The following ACER1 variants were observed in gnomAD, a reference collection of about 807,000 sequenced individuals.
The protein encoded by ACER1 is alkaline ceramidase 1, also known as CTB-180A7.3.
Under a neutral mutation model 24.9 loss-of-function variants are expected in ACER1, and 28 were observed. The ratio of observed to expected loss-of-function variants is 1.13; its 90% CI spans 0.83 to 1.54. The LOEUF (loss-of-function observed/expected upper bound fraction) is 1.54. ACER1 is among the 40% of genes most tolerant of loss of function. ACER1 has a pLI of 0.00. For synonymous variants in ACER1, 132 were observed against 131.4 expected (o/e 1.00, Z -0.03); for missense variants, 352 against 349.3 (o/e 1.01, Z -0.06).
chr19:6,338,464 T>C (rs566291141), upstream of ACER1, among the ~76,000 whole-genome samples: 22 of 152,374 alleles, frequency 1.4e-4, no homozygotes, highest in East Asian at 3.9e-4. Flanking sequence ...GTCATATTTA[T>C]ATCACCTTTC....
At position 6,318,785 on chromosome 19, in the gene ACER1, C is replaced by CA. The variant is rs201693112; in HGVS notation, c.94-6287dup. 4.7e-3 allele frequency among the ~76,000 whole-genome samples: 649 copies of CA among 137,516 alleles called. 9 individuals are homozygous for CA. Among genetic ancestry groups the CA allele is most frequent in the African/African-American group, 0.017 (618 of 37,188 alleles). The allele number at this position is 137,516 out of a possible 152,430, so 90.2% of individuals were successfully genotyped here. ...TGCGCAACAGAGCAAGACTCCGTTT[C>CA]AAAAAAAATAAATAAATAAATAAAA... On this transcript the variant is annotated intron_variant, in intron 1 of 5. Coordinates refer to ENST00000301452, the MANE Select transcript of ACER1 (RefSeq NM_133492.3).
At chr19:6,311,610 G>A (rs536391295) in intron 3 of ACER1, among the ~76,000 whole-genome samples, 7 of 149,732 alleles carry the variant, frequency 4.7e-5, no homozygotes, top group South Asian at 2.2e-4. Flanking sequence ...GAAGAAGAAG[G>A]AGAAGGAGAA....
At chr19:6,337,556 C>T (rs1016533613), upstream of ACER1, among the ~76,000 whole-genome samples, 4 of 148,940 alleles carry the variant, frequency 2.7e-5, no homozygotes, top group Non-Finnish European at 4.4e-5. Flanking sequence ...CAGGTTCAAA[C>T]GATTCTCTTG....
chr19:6,311,494 A>T (rs1055358044), intron 3 of ACER1, among the ~76,000 whole-genome samples: 19 of 152,056 alleles, frequency 1.2e-4, no homozygotes, highest in African/African-American at 4.1e-4. Flanking sequence ...GTGAGCCGAG[A>T]TCGCACCACT....
intron 1 of ACER1, among the ~76,000 whole-genome samples, chr19:6,332,324 G>A (rs2091691802): frequency 6.9e-6 from 1 of 144,038 alleles, no homozygotes; most frequent in Admixed American, 7.1e-5. Flanking sequence ...AGGCTGGAGT[G>A]CAGTGGTATG....
At chr19:6,323,932 G>A (rs2091645608) in intron 1 of ACER1, among the ~76,000 whole-genome samples, 1 of 152,198 alleles carries the variant, frequency 6.6e-6, no homozygotes, top group Non-Finnish European at 1.5e-5. Flanking sequence ...TCCCACTGCA[G>A]AAGCCAGCCT....
chr19:6,309,249 T>C (rs2091565688), intron 4 of ACER1, among the ~76,000 whole-genome samples: 1 of 152,012 alleles, frequency 6.6e-6, no homozygotes, highest in Admixed American at 6.6e-5. Context: ...GTGGATGCAG[T>C]GGCTCACACC....
the ACER1 span, among the ~76,000 whole-genome samples, chr19:6,358,099 G>A: frequency 3.3e-5 from 5 of 152,142 alleles, no homozygotes; most frequent in Non-Finnish European, 5.9e-5. Context: ...CAGGGCGGGG[G>A]CAGGAGCTGC....
the ACER1 span, among the ~76,000 whole-genome samples, chr19:6,339,712 G>A: frequency 6.6e-6 from 1 of 152,042 alleles, no homozygotes; most frequent in East Asian, 1.9e-4. Flanking sequence ...CTGTTGCCCA[G>A]GCTGGAGTGC....
intron 1 of ACER1, among the ~76,000 whole-genome samples, chr19:6,323,866 G>C (rs939158008): frequency 6.6e-6 from 1 of 151,744 alleles, no homozygotes; most frequent in African/African-American, 2.4e-5. Flanking sequence ...GTAGCTCAGA[G>C]AGGGGCAGGT....
At chr19:6,330,829 G>C (rs975513462) in intron 1 of ACER1, among the ~76,000 whole-genome samples, 2 of 149,742 alleles carry the variant, frequency 1.3e-5, no homozygotes, top group Non-Finnish European at 2.9e-5. Context: ...GAATCAGTGA[G>C]ACCGTGAGGA....
In ACER1 at chr19:6,316,774, C is replaced by T. The variant is rs543941400; in HGVS notation, c.94-4275G>A. On this transcript the variant is annotated intron_variant, in intron 1 of 5. Transcript: ENST00000301452. The stretch of plus-strand genomic sequence containing the variant: ...GGCAGAGGTTGCAATGAGCCGAGAT[C>T]GCACCACTGCACACCAGTCTGGGCG... Among the ~76,000 whole-genome samples, 53 of 147,952 alleles carry T rather than the reference C, an allele frequency of 3.6e-4. 1 individual carries two copies. The highest frequency in any genetic ancestry group is 1.1e-3 in the African/African-American group (46 of 40,004).
the ACER1 span, among the ~76,000 whole-genome samples, chr19:6,358,397 G>A: frequency 9.2e-5 from 14 of 152,180 alleles, no homozygotes; most frequent in Non-Finnish European, 1.6e-4. Context: ...AAAACTGGGA[G>A]TGTCTGTGTC....
At chr19:6,354,326 ATGG>A in the ACER1 span, among the ~76,000 whole-genome samples, 2 of 144,958 alleles carry the variant, frequency 1.4e-5, no homozygotes, top group Non-Finnish European at 3.0e-5. Context: ...TTTTTAATTG[ATGG>A]GGGTAGGGGT....
the ACER1 span, among the ~76,000 whole-genome samples, chr19:6,341,622 G>GTTTTGTTTTGTTTTGT: frequency 0.028 from 4,157 of 150,632 alleles, 57 homozygotes; most frequent in African/African-American, 0.034. Flanking sequence ...GTTTTGTTTT[G>GTTTTGTTTTGTTTTGT]TTTTGTTTTT....
intron 1 of ACER1, among the ~76,000 whole-genome samples, chr19:6,312,864 A>G (rs1428479539): frequency 2.0e-5 from 3 of 151,574 alleles, no homozygotes; most frequent in Non-Finnish European, 4.4e-5. Flanking sequence ...TTTGGTAGAG[A>G]CAGGGTTTCA....
the ACER1 span, among the ~76,000 whole-genome samples, chr19:6,345,565 C>CT: frequency 1.7e-3 from 217 of 130,352 alleles, 2 homozygotes; most frequent in Non-Finnish European, 1.8e-3. Flanking sequence ...GTATTAGATT[C>CT]TTTTTTTTTT....
chr19:6,334,706 CTGTT>C (rs72317540), upstream of ACER1, among the ~76,000 whole-genome samples: 7,574 of 152,104 alleles, frequency 0.05, 278 homozygotes, highest in African/African-American at 0.11. Flanking sequence ...CTCTGATCCT[CTGTT>C]TGCTCACCTG....
intron 1 of ACER1, among the ~76,000 whole-genome samples, chr19:6,325,135 C>T (rs1306388531): frequency 6.6e-6 from 1 of 152,180 alleles, no homozygotes; most frequent in African/African-American, 2.4e-5. Flanking sequence ...GTTGCCCCAG[C>T]TGACCCCACA....
Sources: allele counts gnomAD v4.1 joint callset (sites outside exome capture counted in the v4.1 genomes callset), GRCh38; gene constraint gnomAD v4.1.1; transcripts MANE v1.5; gene names NCBI Gene and HGNC (gene_info 2026-07-23, HGNC 2026-07-21).